SNX4: variants seen among roughly 807,000 people sequenced by gnomAD.
The protein encoded by SNX4 is sorting nexin 4.
SNX4 carries 49 observed loss-of-function variants against 70.8 expected under a neutral mutation model. The observed-to-expected ratio is 0.69, with a 90% confidence interval of 0.55 to 0.88. The LOEUF is 0.88. Among genes scored for constraint, SNX4 ranks in the 40% least tolerant of loss-of-function variants. The probability of loss-of-function intolerance (pLI) is 0.00; values close to 1 mark genes in which losing one functional copy is unlikely to be tolerated. For synonymous variants in SNX4, 206 were observed against 183.8 expected, an observed-to-expected ratio of 1.12 and a Z score of -0.98; for missense variants, 528 against 544.8, an observed-to-expected ratio of 0.97 and a Z score of 0.31.
rs567302708 is a variant in SNX4 at position 125,455,827 on chromosome 3, C to T, written c.1044+1439G>A. ...AGGAGATTCAGACCATCTTGGCTAA[C>T]ATGGTGAAACCCCGTCTGTACTAAA... On this transcript the variant is annotated intron_variant, in intron 11 of 13. Coordinates refer to ENST00000251775, the MANE Select transcript of SNX4 (RefSeq NM_003794.4). 1.8e-4 allele frequency among the ~76,000 whole-genome samples: 28 copies of T among 152,116 alleles called. No homozygotes were observed. The Middle Eastern group carries it at 0.017, about 92-fold the overall frequency.
Position 125,460,755 on chromosome 3 carries a change from C to A in SNX4, c.944+16G>T. 5.1e-6 allele frequency: 7 copies of A among 1,385,316 alleles called. No homozygotes were observed. In the South Asian group the frequency reaches 8.2e-5, roughly 16 times the overall value. The allele number at this position is 1,385,316 out of a possible 1,614,324, so 85.8% of individuals were successfully genotyped here. A position where few individuals can be genotyped will look rare whatever the true frequency, so the allele number is the denominator to read the frequency against. On this transcript the variant is annotated intron_variant, in intron 10 of 13. Transcript: ENST00000251775. ...AACAACCCTGTGGCTGCACCTGGAA[C>A]TTTTATTAAACTTACCGCAATGCTT...
intron 5 of SNX4, among the ~76,000 whole-genome samples, chr3:125,493,731 T>C (rs1054604432): frequency 6.6e-6 from 1 of 150,546 alleles, no homozygotes; most frequent in African/African-American, 2.4e-5. Context: ...CTCTCAAAAA[T>C]CTTACGAAAA....
chr3:125,515,496 T>C (rs1935255811), intron 1 of SNX4, among the ~76,000 whole-genome samples: 1 of 149,192 alleles, frequency 6.7e-6, no homozygotes, highest in East Asian at 2.0e-4. Context: ...ATCTTGTCTC[T>C]ACAAAAAAAA....
intron 2 of SNX4, among the ~76,000 whole-genome samples, chr3:125,503,205 C>G (rs1297553409): frequency 2.0e-5 from 3 of 152,176 alleles, no homozygotes; most frequent in African/African-American, 7.2e-5. Flanking sequence ...CCACGCCCAG[C>G]TAGGTTTGGT....
At chr3:125,493,622 C>A (rs1215292678) in intron 5 of SNX4, among the ~76,000 whole-genome samples, 1 of 149,044 alleles carries the variant, frequency 6.7e-6, no homozygotes, top group African/African-American at 2.5e-5. Context: ...CCACGGCACT[C>A]CAGCCTAAGT....
chr3:125,476,894 T>C (rs1012152112), intron 7 of SNX4, 138 bp from the exon 8 acceptor site: 1 of 558,270 alleles, frequency 1.8e-6, no homozygotes, highest in Non-Finnish European at 3.2e-6. Context: ...TCTCCAAAAA[T>C]CCCATCCCCC....
chr3:125,502,998 C>CA (rs770960673), intron 2 of SNX4, among the ~76,000 whole-genome samples: 7 of 150,866 alleles, frequency 4.6e-5, no homozygotes, highest in Non-Finnish European at 8.8e-5. Flanking sequence ...CAGCTTACTG[C>CA]AATCTCCACC....
intron 12 of SNX4, 54 bp downstream of exon 12, chr3:125,453,755 TA>T: frequency 6.8e-7 from 1 of 1,462,886 alleles, no homozygotes; most frequent in Non-Finnish European, 9.2e-7. Flanking sequence ...ATAAATAAAA[TA>T]ATCTACCATA....
intron 8 of SNX4, among the ~76,000 whole-genome samples, chr3:125,469,844 T>C (rs1306161843): frequency 3.3e-5 from 5 of 152,218 alleles, no homozygotes; most frequent in Non-Finnish European, 7.3e-5. Context: ...ATGCTAGCCC[T>C]ACTCTTCATC....
In SNX4 at chr3:125,447,515, GACAA is replaced by G. The variant is rs1933453095; in HGVS notation, c.*260_*263del. ...CATTCAGTCATTGGTTCAGAAGCGT[GACAA>G]ACAATCTGTTGGTATATATTATTAA... On this transcript the variant is annotated 3_prime_UTR_variant, in exon 14 of 14. Coordinates refer to ENST00000251775, the MANE Select transcript of SNX4 (RefSeq NM_003794.4). 2.0e-5 allele frequency: 6 copies of G among 298,912 alleles called. No homozygotes were observed. Among genetic ancestry groups the G allele is most frequent in the South Asian group, 2.0e-4 (2 of 10,072 alleles). The allele number at this position is 298,912 out of a possible 1,614,324, so 18.5% of individuals were successfully genotyped here.
chr3:125,480,086 C>T (rs1036379234), intron 7 of SNX4, among the ~76,000 whole-genome samples, 161 bp downstream of exon 7: 2 of 152,146 alleles, frequency 1.3e-5, no homozygotes, highest in African/African-American at 4.8e-5. Flanking sequence ...GAAACCATTG[C>T]ACATTTTTTT....
intron 6 of SNX4, among the ~76,000 whole-genome samples, chr3:125,488,586 CA>C (rs1282279239): frequency 6.6e-6 from 1 of 152,072 alleles, no homozygotes; most frequent in Non-Finnish European, 1.5e-5. Flanking sequence ...TATGAAAAAT[CA>C]GGGGCATTTT....
intron 1 of SNX4, among the ~76,000 whole-genome samples, chr3:125,510,659 A>G (rs1238499283): frequency 6.6e-6 from 1 of 152,238 alleles, no homozygotes; most frequent in Non-Finnish European, 1.5e-5. Flanking sequence ...AGTGAAATAA[A>G]ACAGTCACAT....
chr3:125,448,460 AC>A (rs577112946), intron 13 of SNX4, among the ~76,000 whole-genome samples: 80 of 151,758 alleles, frequency 5.3e-4, no homozygotes, highest in Middle Eastern at 3.4e-3. Context: ...AATATTTGAA[AC>A]AAAAAACTTC....
chr3:125,450,786 T>G (rs1933551368), intron 13 of SNX4, among the ~76,000 whole-genome samples: 1 of 152,228 alleles, frequency 6.6e-6, no homozygotes, highest in South Asian at 2.1e-4. Context: ...AACCAGGTCT[T>G]CACGAAATAA....
At chr3:125,506,746 C>A (rs1231326140) in intron 1 of SNX4, among the ~76,000 whole-genome samples, 1 of 140,052 alleles carries the variant, frequency 7.1e-6, no homozygotes, top group African/African-American at 2.7e-5. Flanking sequence ...GCCACCATGC[C>A]TGGATGACAA....
chr3:125,496,446 T>G (rs1246613355), intron 5 of SNX4, among the ~76,000 whole-genome samples: 2 of 152,216 alleles, frequency 1.3e-5, no homozygotes, highest in African/African-American at 2.4e-5. Context: ...GGGAAGTGTT[T>G]TTTAAATTAC....
chr3:125,492,989 A>G (rs1056830741), intron 5 of SNX4, among the ~76,000 whole-genome samples: 18 of 152,220 alleles, frequency 1.2e-4, no homozygotes, highest in Admixed American at 7.8e-4. Flanking sequence ...ATGACTAACT[A>G]TGTTAACTGA....
In SNX4 at chr3:125,469,528, T is replaced by C; in HGVS notation, c.789-9A>G. The C allele has an allele frequency of 6.2e-7, 1 of 1,603,784 alleles. No homozygotes were observed. Among genetic ancestry groups the C allele is most frequent in the Middle Eastern group, 1.7e-4 (1 of 6,040 alleles). On this transcript the variant is annotated splice_polypyrimidine_tract_variant and intron_variant, in intron 8 of 13. Transcript: ENST00000251775. ...CTATGGCACTCCATTCACTAGGGAG[T>C]AAAAGATAAAACCAAAAGCAACATG...
Sources: gnomAD v4.1 joint callset for allele counts (sites outside exome capture counted in the v4.1 genomes callset) on GRCh38, gnomAD v4.1.1 for gene constraint, MANE v1.5 for transcripts, NCBI Gene and HGNC (gene_info 2026-07-23, HGNC 2026-07-21) for gene names.